LATS1: variants seen among roughly 807,000 people sequenced by gnomAD.
LATS1 encodes serine/threonine-protein kinase LATS1.
A neutral mutation model predicts 106.6 loss-of-function variants in LATS1; 25 were observed. The observed-to-expected ratio is 0.23, with a 90% CI of 0.17 to 0.33. The LOEUF (loss-of-function observed/expected upper bound fraction) is 0.33. Ranked by LOEUF, LATS1 falls within the 10% of genes least tolerant of loss-of-function variation. The pLI is 1.00. For synonymous variants in LATS1, 465 were observed against 455.6 expected, an observed-to-expected ratio of 1.02 and a Z score of -0.26; for missense variants, 1,040 against 1,382.6, an observed-to-expected ratio of 0.75 and a Z score of 3.93.
intron 1 of LATS1, among the ~76,000 whole-genome samples, chr6:149,714,146 ATT>A (rs1381333124): frequency 1.3e-5 from 2 of 151,248 alleles, no homozygotes; most frequent in African/African-American, 4.9e-5. Flanking sequence ...TAATTTTTGT[ATT>A]TTTAGTAGAG....
At position 149,679,862 on chromosome 6, in the gene LATS1, T is replaced by C. The variant is rs1038963321; in HGVS notation, c.2593+13A>G. The stretch of plus-strand genomic sequence containing the variant: ...TATGAACAAACTAAAATAAATTTTA[T>C]GAGTTTACTTACCACTCTGATAGTA... On this transcript the variant is annotated intron_variant, in intron 5 of 7. Coordinates refer to ENST00000543571, the MANE Select transcript of LATS1 (RefSeq NM_004690.4). 1 of 1,508,602 alleles carries C rather than the reference T, an allele frequency of 6.6e-7. No individual in the cohort carries two copies. Among genetic ancestry groups the C allele is most frequent in the Non-Finnish European group, 8.9e-7 (1 of 1,118,062 alleles). 93.5% of individuals were successfully genotyped at this position (1,508,602 alleles called of 1,614,324 possible). A position where few individuals can be genotyped will look rare whatever the true frequency, so the allele number is the denominator to read the frequency against.
intron 1 of LATS1, among the ~76,000 whole-genome samples, chr6:149,715,669 C>T (rs1784340898): frequency 6.6e-6 from 1 of 151,996 alleles, no homozygotes; most frequent in Admixed American, 6.6e-5. Flanking sequence ...AAAATAAATT[C>T]CCAGAAGTGG....
intron 7 of LATS1, among the ~76,000 whole-genome samples, chr6:149,672,775 G>A (rs1231400108): frequency 6.6e-6 from 1 of 151,824 alleles, no homozygotes; most frequent in Non-Finnish European, 1.5e-5. Context: ...GTAAAACCCA[G>A]TCTTTACTAA....
chr6:149,714,880 CTAT>C (rs1784302711), intron 1 of LATS1, among the ~76,000 whole-genome samples: 1 of 151,944 alleles, frequency 6.6e-6, no homozygotes, highest in African/African-American at 2.4e-5. Context: ...TAAATGTATG[CTAT>C]TATTAATAAA....
At chr6:149,681,972 C>T (rs530970914) in intron 4 of LATS1, among the ~76,000 whole-genome samples, 31 of 152,078 alleles carry the variant, frequency 2.0e-4, no homozygotes, top group Admixed American at 5.2e-4. Context: ...ATTAGCTCAG[C>T]GTGCTGACGG....
chr6:149,673,404 A>C (rs1287575258), intron 7 of LATS1, among the ~76,000 whole-genome samples: 4 of 151,382 alleles, frequency 2.6e-5, no homozygotes, highest in African/African-American at 9.7e-5. Flanking sequence ...CAGCCCTTTT[A>C]TTTCTTTTCA....
intron 4 of LATS1, among the ~76,000 whole-genome samples, chr6:149,681,589 G>A (rs1210008446): frequency 6.6e-6 from 1 of 152,108 alleles, no homozygotes; most frequent in African/African-American, 2.4e-5. Context: ...GCAGACTTTA[G>A]TAAGAAATCC....
At chr6:149,700,365 C>T (rs1235266519) in intron 2 of LATS1, among the ~76,000 whole-genome samples, 1 of 151,840 alleles carries the variant, frequency 6.6e-6, no homozygotes, top group Non-Finnish European at 1.5e-5. Context: ...CCCAGCTACT[C>T]GGGAGGCTGA....
intron 1 of LATS1, among the ~76,000 whole-genome samples, chr6:149,705,035 T>C (rs1487106313): frequency 6.6e-6 from 1 of 151,520 alleles, no homozygotes; most frequent in East Asian, 1.9e-4. Context: ...AATTGCTAAA[T>C]TAGCTATGAA....
At chr6:149,678,365 C>CAAACA (rs1781850162) in intron 5 of LATS1, among the ~76,000 whole-genome samples, 1 of 151,572 alleles carries the variant, frequency 6.6e-6, no homozygotes. Flanking sequence ...AACAAACAAA[C>CAAACA]AAAAAACAAC....
chr6:149,678,335 C>T (rs1292893036), intron 5 of LATS1, among the ~76,000 whole-genome samples: 2 of 147,268 alleles, frequency 1.4e-5, no homozygotes, highest in Non-Finnish European at 3.0e-5. Context: ...CAGAGCGAGA[C>T]TCCGTCTCAA....
chr6:149,698,126 T>C (rs1465196673), intron 2 of LATS1, among the ~76,000 whole-genome samples: 1 of 152,216 alleles, frequency 6.6e-6, no homozygotes, highest in Non-Finnish European at 1.5e-5. Context: ...TTTATTGCTA[T>C]GTTTTACAAT....
At chr6:149,698,889 C>G (rs1783274564) in intron 2 of LATS1, among the ~76,000 whole-genome samples, 1 of 152,066 alleles carries the variant, frequency 6.6e-6, no homozygotes, top group Non-Finnish European at 1.5e-5. Context: ...GAAAATATGT[C>G]CACATAATTA....
Position 149,683,421 on chromosome 6 carries a change from T to G in LATS1, c.1668A>C (p.Pro556=). The change falls in exon 4 of 8, where the codon CCA becomes CCC. Residue 556 remains proline (P), a synonymous_variant. Transcript: ENST00000543571. ...VAEAPNYQGP[P]PPYPKHLLHQ... ...GCAGCAGATGTTTTGGGTAGGGTGG[T>G]GGTGGTCCTTGATAGTTTGGAGCTT... is the stretch of plus-strand genomic sequence containing the variant. 1 of 1,614,122 alleles carries G rather than the reference T, an allele frequency of 6.2e-7. No individual in the cohort carries two copies.
chr6:149,700,589 T>C (rs1783395399), intron 2 of LATS1, among the ~76,000 whole-genome samples: 1 of 152,060 alleles, frequency 6.6e-6, no homozygotes, highest in Non-Finnish European at 1.5e-5. Context: ...AATACAGATA[T>C]ATATGGAAAT....
At chr6:149,673,669 T>C (rs1289766768) in intron 7 of LATS1, among the ~76,000 whole-genome samples, 1 of 150,982 alleles carries the variant, frequency 6.6e-6, no homozygotes, top group Non-Finnish European at 1.5e-5. Flanking sequence ...AAACCATTTC[T>C]TTTTTTTCCT....
intron 7 of LATS1, 143 bp downstream of exon 7, chr6:149,676,117 A>G (rs1781707461): frequency 1.6e-6 from 1 of 614,962 alleles, no homozygotes. Flanking sequence ...CTCCCAAAGA[A>G]CTGGCATTAT....
At chr6:149,703,510 C>T (rs1021837796) in intron 1 of LATS1, among the ~76,000 whole-genome samples, 1 of 152,082 alleles carries the variant, frequency 6.6e-6, no homozygotes, top group Non-Finnish European at 1.5e-5. Flanking sequence ...CAGTACTTCT[C>T]TGAGTACTAG....
At chr6:149,697,796 C>A (rs781644338) in intron 2 of LATS1, among the ~76,000 whole-genome samples, 6 of 151,620 alleles carry the variant, frequency 4.0e-5, no homozygotes, top group Non-Finnish European at 8.8e-5. Flanking sequence ...AGTGCAGTGG[C>A]GTGATCTCAG....
Sources: gnomAD v4.1 joint callset for allele counts (sites outside exome capture counted in the v4.1 genomes callset) on GRCh38, gnomAD v4.1.1 for gene constraint, MANE v1.5 for transcripts, NCBI Gene and HGNC (gene_info 2026-07-23, HGNC 2026-07-21) for gene names.